Variants in DLG2 observed in about 807,000 individuals in gnomAD.
DLG2 encodes discs large MAGUK scaffold protein 2.
A neutral mutation model predicts 132.5 loss-of-function variants in DLG2; 45 were observed. The ratio of observed to expected loss-of-function variants is 0.34; its 90% CI spans 0.27 to 0.44. The LOEUF (loss-of-function observed/expected upper bound fraction) is 0.44, where lower values mean the gene tolerates loss of function less well. Among genes scored for constraint, DLG2 ranks in the 20% least tolerant of loss-of-function variants. DLG2 has a pLI of 1.00. For missense variants in DLG2, 1,045 were observed against 1,196.9 expected (o/e 0.87, Z 1.87); for synonymous variants, 424 against 419.6 (o/e 1.01, Z -0.13).
intron 6 of DLG2, among the ~76,000 whole-genome samples, chr11:84,752,809 A>C (rs1030828910): frequency 7.1e-6 from 1 of 140,356 alleles, no homozygotes; most frequent in African/African-American, 2.7e-5. Flanking sequence ...ATGAGTGAGA[A>C]TATGCGGTGT....
intron 3 of DLG2, among the ~76,000 whole-genome samples, chr11:85,362,235 A>G (rs1490425109): frequency 6.6e-6 from 1 of 152,178 alleles, no homozygotes; most frequent in Non-Finnish European, 1.5e-5. Flanking sequence ...AATTATACGC[A>G]TAAGCTATCA....
At chr11:84,369,561 A>G (rs984306173) in intron 7 of DLG2, among the ~76,000 whole-genome samples, 1 of 152,088 alleles carries the variant, frequency 6.6e-6, no homozygotes, top group African/African-American at 2.4e-5. Flanking sequence ...ACATACACAC[A>G]AGGAATAGCT....
intron 18 of DLG2, among the ~76,000 whole-genome samples, chr11:83,731,634 T>G (rs1749466048): frequency 6.6e-6 from 1 of 152,216 alleles, no homozygotes; most frequent in South Asian, 2.1e-4. Context: ...ATGATTTATA[T>G]TCCTTTGGGT....
At chr11:84,644,741 G>C (rs1004909795) in intron 6 of DLG2, among the ~76,000 whole-genome samples, 2 of 150,890 alleles carry the variant, frequency 1.3e-5, no homozygotes, top group African/African-American at 4.9e-5. Flanking sequence ...TGGGAATGAA[G>C]TAATTTTTTA....
intron 15 of DLG2, among the ~76,000 whole-genome samples, chr11:83,891,073 G>T (rs1417567847): frequency 6.6e-6 from 1 of 152,164 alleles, no homozygotes; most frequent in East Asian, 1.9e-4. Context: ...TCATTAAATA[G>T]ATATTACAGT....
chr11:83,593,505 G>C (rs1175862449), intron 19 of DLG2, among the ~76,000 whole-genome samples: 1 of 151,854 alleles, frequency 6.6e-6, no homozygotes, highest in Non-Finnish European at 1.5e-5. Flanking sequence ...GGGGTTGGCG[G>C]AGGGGGGAGG....
chr11:84,590,060 C>T (rs939725221), intron 6 of DLG2, among the ~76,000 whole-genome samples: 15 of 152,186 alleles, frequency 9.9e-5, no homozygotes, highest in South Asian at 2.1e-4. Flanking sequence ...TCTGAGAAAA[C>T]GGGAAATAAC....
chr11:85,095,807 T>A (rs542427268), intron 6 of DLG2, among the ~76,000 whole-genome samples: 7 of 152,342 alleles, frequency 4.6e-5, no homozygotes, highest in African/African-American at 1.4e-4. Flanking sequence ...CTGCCCTTCC[T>A]CTTACAGCAC....
At chr11:85,304,215 A>G (rs2079793300) in intron 3 of DLG2, among the ~76,000 whole-genome samples, 1 of 152,192 alleles carries the variant, frequency 6.6e-6, no homozygotes, top group Non-Finnish European at 1.5e-5. Flanking sequence ...GCAGAGGTAC[A>G]TTAATCAAGT....
chr11:85,366,196 A>G (rs890518228), intron 3 of DLG2, among the ~76,000 whole-genome samples: 1 of 152,338 alleles, frequency 6.6e-6, no homozygotes, highest in South Asian at 2.1e-4. Context: ...TATGGAGAAT[A>G]TGAGAAACCT....
intron 7 of DLG2, among the ~76,000 whole-genome samples, chr11:84,343,556 A>C (rs955458568): frequency 6.6e-6 from 1 of 152,190 alleles, no homozygotes; most frequent in African/African-American, 2.4e-5. Flanking sequence ...AATCTAGTGG[A>C]AACATCAGAT....
intron 8 of DLG2, among the ~76,000 whole-genome samples, chr11:84,184,403 G>A (rs1316592204): frequency 1.7e-4 from 25 of 151,504 alleles, no homozygotes; most frequent in African/African-American, 3.7e-4. Context: ...CATATCCTTC[G>A]CCCACTTTTT....
intron 7 of DLG2, among the ~76,000 whole-genome samples, chr11:84,481,860 A>C (rs1402096915): frequency 6.6e-6 from 1 of 152,164 alleles, no homozygotes; most frequent in Non-Finnish European, 1.5e-5. Flanking sequence ...TGAATGCTCC[A>C]CCCAAATGCA....
intron 6 of DLG2, among the ~76,000 whole-genome samples, chr11:84,784,633 A>G (rs1052579718): frequency 2.6e-5 from 4 of 152,006 alleles, no homozygotes; most frequent in South Asian, 2.1e-4. Context: ...ACATATAAAG[A>G]CTCTTGCTTT....
chr11:83,932,717 T>G, intron 14 of DLG2, among the ~76,000 whole-genome samples: 1 of 152,112 alleles, frequency 6.6e-6, no homozygotes, highest in Non-Finnish European at 1.5e-5. Context: ...TTTTTTTTTT[T>G]TAGCCATTCT....
chr11:83,870,501 C>T (rs1172246486), intron 16 of DLG2, among the ~76,000 whole-genome samples: 1 of 152,042 alleles, frequency 6.6e-6, no homozygotes, highest in African/African-American at 2.4e-5. Flanking sequence ...TTTATTCATC[C>T]AGTCATTCGT....
chr11:83,990,842 T>A (rs1041617120), intron 11 of DLG2, among the ~76,000 whole-genome samples: 4 of 152,152 alleles, frequency 2.6e-5, no homozygotes, highest in Non-Finnish European at 4.4e-5. Context: ...CAGAAAGCAC[T>A]AGTAGTTTTC....
At chr11:83,935,739 A>C (rs530632842) in intron 14 of DLG2, among the ~76,000 whole-genome samples, 6 of 152,320 alleles carry the variant, frequency 3.9e-5, no homozygotes, top group Admixed American at 6.5e-5. Context: ...ATATTTAAAA[A>C]GATTTTTCTG....
At position 83,825,171 on chromosome 11, in the gene DLG2, ATTTTTTTTTTTTTTT is replaced by A. The variant is rs10566177; in HGVS notation, c.1722+8428_1722+8442del. On this transcript the variant is annotated intron_variant, in intron 17 of 27. Transcript: ENST00000376104. ...CACACACATATATATATATATATAT[ATTTTTTTTTTTTTTT>A]TTTTTTTTTTTTGAGATGGAATTTC... Among the ~76,000 whole-genome samples the A allele has an allele frequency of 1.5e-4, 11 of 72,600 alleles. 1 individual carries two copies. Among genetic ancestry groups the A allele is most frequent in the African/African-American group, 5.5e-4 (11 of 19,838 alleles). The allele number at this position is 72,600 out of a possible 152,430, so 47.6% of individuals were successfully genotyped here.
Sources: gnomAD v4.1 joint callset for allele counts (sites outside exome capture counted in the v4.1 genomes callset) on GRCh38, gnomAD v4.1.1 for gene constraint, MANE v1.5 for transcripts, NCBI Gene and HGNC (gene_info 2026-07-23, HGNC 2026-07-21) for gene names.